KDM5B: variants seen among roughly 807,000 people sequenced by gnomAD.
The protein encoded by KDM5B is lysine-specific demethylase 5B.
Under a neutral mutation model 193.4 loss-of-function variants are expected in KDM5B, and 144 were observed. The observed-to-expected ratio is 0.74, with a 90% CI of 0.65 to 0.86. The LOEUF (loss-of-function observed/expected upper bound fraction) is 0.86, where lower values mean the gene tolerates loss of function less well. Ranked by LOEUF, KDM5B falls within the 40% of genes least tolerant of loss-of-function variation. The probability of loss-of-function intolerance (pLI) is 0.00; values close to 1 mark genes in which losing one functional copy is unlikely to be tolerated. For synonymous variants in KDM5B, 668 were observed against 682.6 expected, an observed-to-expected ratio of 0.98 and a Z score of 0.33; for missense variants, 1,833 against 1,886.9, an observed-to-expected ratio of 0.97 and a Z score of 0.53.
intron 2 of KDM5B, chr1:202,776,179 A>G (rs1052309260): frequency 1.3e-5 from 2 of 152,072 alleles, no homozygotes; most frequent in Non-Finnish European, 2.9e-5. Context: ...GCAGTGAACC[A>G]GGATAATGCT....
At position 202,729,904 on chromosome 1, in the gene KDM5B, T is replaced by TG. The variant is rs1239705663; in HGVS notation, c.4299dup (p.Lys1434GlnfsTer23). 6.2e-7 allele frequency: 1 copy of TG among 1,614,050 alleles called. No homozygotes were observed. The highest frequency in any genetic ancestry group is 8.5e-7 in the Non-Finnish European group (1 of 1,180,022). The stretch of plus-strand genomic sequence containing the variant: ...TGGCTCAGTTTGATTTTCTTCTTTT[T>TG]GGGGGTCCGCATTTTCTTAACTCGT... On this transcript the variant is annotated frameshift_variant, in exon 26 of 27. Transcript: ENST00000367265. LOFTEE classifies it high-confidence loss of function.
intron 20 of KDM5B, among the ~76,000 whole-genome samples, chr1:202,737,762 G>T (rs1264705067): frequency 6.6e-6 from 1 of 152,170 alleles, no homozygotes; most frequent in African/African-American, 2.4e-5. Context: ...ATGAGAAAAA[G>T]TGGGGTGGGG....
chr1:202,774,846 T>C, intron 2 of KDM5B, 111 bp from the exon 3 acceptor site: 1 of 831,874 alleles, frequency 1.2e-6, no homozygotes, highest in Non-Finnish European at 1.8e-6. Context: ...CTTAAAAAAA[T>C]TTTTTTTTAA....
At chr1:202,803,418 G>A (rs1658156759) in intron 1 of KDM5B, among the ~76,000 whole-genome samples, 1 of 152,132 alleles carries the variant, frequency 6.6e-6, no homozygotes, top group Admixed American at 6.5e-5. Context: ...AATTACAACT[G>A]GGTAGATATG....
At position 202,799,337 on chromosome 1, in the gene KDM5B, A is replaced by G. The variant is rs556429996; in HGVS notation, c.204+8765T>C. On this transcript the variant is annotated intron_variant, in intron 1 of 26. Coordinates refer to ENST00000367265, the MANE Select transcript of KDM5B (RefSeq NM_006618.5). ...AAATACCCCTCCTGTCCTCTTTTACATAATAGAGGAACTGGCTTTTGAAAA... is the reference window on the plus strand; with the variant it reads ...AAATACCCCTCCTGTCCTCTTTTACGTAATAGAGGAACTGGCTTTTGAAAA... 3.2e-4 allele frequency among the ~76,000 whole-genome samples: 49 copies of G among 152,310 alleles called. No individual in the cohort carries two copies. In the South Asian group the frequency reaches 7.2e-3, roughly 23 times the overall value.
intron 16 of KDM5B, among the ~76,000 whole-genome samples, chr1:202,744,140 G>GA (rs1252685406): frequency 6.6e-6 from 1 of 151,628 alleles, no homozygotes; most frequent in Non-Finnish European, 1.5e-5. Flanking sequence ...AAATTTACAA[G>GA]AAAAAAACAT....
At chr1:202,739,040 A>T (rs1655200626) in intron 20 of KDM5B, among the ~76,000 whole-genome samples, 1 of 152,144 alleles carries the variant, frequency 6.6e-6, no homozygotes. Flanking sequence ...CTTCATGAAA[A>T]TTCTGGGCCT....
rs887028149 is a variant in KDM5B, at chr1:202,807,866, C to G, written c.204+236G>C. The stretch of plus-strand genomic sequence containing the variant: ...CCGCCCGAGCCCCGCGGCGACCCGG[C>G]CCTCCCATGGCACCGCCGAAGCCCC... On this transcript the variant is annotated intron_variant, in intron 1 of 26. Transcript: ENST00000367265. Among the ~76,000 whole-genome samples, 3 of 151,974 alleles carry G rather than the reference C, an allele frequency of 2.0e-5. No homozygotes were observed. The South Asian group carries it at 6.2e-4, about 32-fold the overall frequency.
rs1403337724 is a variant in KDM5B, at chr1:202,725,416, TAA to T, written c.*3618_*3619del. On this transcript the variant is annotated 3_prime_UTR_variant, in exon 27 of 27. Coordinates refer to ENST00000367265, the MANE Select transcript of KDM5B (RefSeq NM_006618.5). Reference sequence around the variant, plus strand: ...CAGCTTTTCAGTAACATTTCTATAATAAGTTACACATGAAGCCTCCCAAAAGA... The same window carrying T: ...CAGCTTTTCAGTAACATTTCTATAATGTTACACATGAAGCCTCCCAAAAGA... 6.6e-6 allele frequency: 1 copy of T among 152,214 alleles called. No homozygotes were observed. The highest frequency in any genetic ancestry group is 1.5e-5 in the Non-Finnish European group (1 of 68,034). 9.4% of individuals were successfully genotyped at this position (152,214 alleles called of 1,614,324 possible).
chr1:202,794,226 C>T (rs145630381), intron 1 of KDM5B, among the ~76,000 whole-genome samples: 1 of 152,266 alleles, frequency 6.6e-6, no homozygotes, highest in Admixed American at 6.5e-5. Flanking sequence ...TAAATGTCAC[C>T]AAATGATGAG....
At chr1:202,750,576 A>G (rs1655749179) in intron 13 of KDM5B, 83 bp downstream of exon 13, 2 of 1,481,708 alleles carry the variant, frequency 1.3e-6, no homozygotes, top group Admixed American at 3.6e-5. Context: ...CACCCAGCCC[A>G]CATGACACTT....
intron 1 of KDM5B, among the ~76,000 whole-genome samples, chr1:202,793,538 A>C (rs1657724209): frequency 6.6e-6 from 1 of 152,216 alleles, no homozygotes; most frequent in Admixed American, 6.5e-5. Flanking sequence ...GGTTAATAGA[A>C]TAAAGCTCTG....
In KDM5B at chr1:202,729,135, C is replaced by A. The variant is rs778913586; in HGVS notation, c.4536G>T (p.Trp1512Cys). The A allele has an allele frequency of 6.2e-7, 1 of 1,614,144 alleles. No individual in the cohort carries two copies. The highest frequency in any genetic ancestry group is 8.5e-7 in the Non-Finnish European group (1 of 1,179,984). Residue 1512 changes from tryptophan to cysteine, a missense_variant, in exon 27 of 27, where the codon TGG becomes TGT. Physicochemically the swap from Trp to Cys is radical, Grantham distance 215 (BLOSUM62 -2). Transcript: ENST00000367265. ...AGACACCAACACAGACCTGATGAAACCACTGATTGCAGCTGCCATCACACT... is the reference window on the plus strand; with the variant it reads ...AGACACCAACACAGACCTGATGAAAACACTGATTGCAGCTGCCATCACACT... ...WVQCDGSCNQ[W>C]FHQVCVGVSP...
intron 1 of KDM5B, among the ~76,000 whole-genome samples, chr1:202,785,009 C>CA (rs11445160): frequency 0.068 from 6,094 of 89,290 alleles, 304 homozygotes; most frequent in East Asian, 0.31. Context: ...GAGCCTGTCT[C>CA]AAAAAAAAAA....
Position 202,726,558 on chromosome 1 carries a change from A to C in KDM5B, c.*2478T>G, listed in dbSNP as rs954837380. ...GACCCTCCTTCTGGTTCAGGCTCTA[A>C]CTTAACACAGTCCCTTCCCCTCTCC... On this transcript the variant is annotated 3_prime_UTR_variant, in exon 27 of 27. Coordinates refer to ENST00000367265, the MANE Select transcript of KDM5B (RefSeq NM_006618.5). 6.6e-6 allele frequency: 1 copy of C among 152,146 alleles called. No homozygotes were observed. The highest frequency in any genetic ancestry group is 6.5e-5 in the Admixed American group (1 of 15,276). 9.4% of individuals were successfully genotyped at this position (152,146 alleles called of 1,614,324 possible).
Position 202,756,454 on chromosome 1 carries a change from ATCC to A in KDM5B, c.1257_1259del (p.Glu419del). On this transcript the variant is annotated inframe_deletion, in exon 10 of 27. Transcript: ENST00000367265. The stretch of plus-strand genomic sequence containing the variant: ...TGTCAGCTCCATATTCCACTGTGAC[ATCC>A]TCCTCAATAGTGCTTACTAGTCTCC... 2 of 1,613,446 alleles carry A rather than the reference ATCC, an allele frequency of 1.2e-6. No homozygotes were observed. The highest frequency in any genetic ancestry group is 1.7e-6 in the Non-Finnish European group (2 of 1,179,498).
In KDM5B at chr1:202,762,707, T is replaced by C. The variant is rs199637084; in HGVS notation, c.910A>G (p.Thr304Ala). Residue 304 changes from threonine to alanine, a missense_variant, in exon 7 of 27, where the codon ACC (threonine) becomes GCC (alanine). By Grantham distance (58) the Thr-to-Ala change is moderately conservative. Coordinates refer to ENST00000367265, the MANE Select transcript of KDM5B (RefSeq NM_006618.5). ...AGGGAGATGTCACTCACAGCATTGG[T>C]GGCTTTTTTAGATCGACTCTTGGGC... is the stretch of plus-strand genomic sequence containing the variant. ...EKPKSRSKKATNAVDLYVCLL... is the reference protein window; with the variant it reads ...EKPKSRSKKAANAVDLYVCLL... 4 of 1,571,806 alleles carry C rather than the reference T, an allele frequency of 2.5e-6. No homozygotes were observed. The East Asian group carries it at 9.0e-5, about 35-fold the overall frequency.
intron 1 of KDM5B, among the ~76,000 whole-genome samples, chr1:202,787,449 CTG>C (rs1234688226): frequency 1.1e-4 from 17 of 152,212 alleles, no homozygotes; most frequent in African/African-American, 3.9e-4. Flanking sequence ...GAAATTAAAA[CTG>C]AAACATTTTA....
At chr1:202,756,858 A>G (rs931262884) in intron 9 of KDM5B, among the ~76,000 whole-genome samples, 1 of 152,248 alleles carries the variant, frequency 6.6e-6, no homozygotes, top group Non-Finnish European at 1.5e-5. Context: ...CAGCACAGTA[A>G]TAAGGTTTGT....
Sources: gnomAD v4.1 joint callset for allele counts (sites outside exome capture counted in the v4.1 genomes callset) on GRCh38, gnomAD v4.1.1 for gene constraint, MANE v1.5 for transcripts, NCBI Gene and HGNC (gene_info 2026-07-23, HGNC 2026-07-21) for gene names.